ATP11A: variants seen among roughly 807,000 people sequenced by gnomAD.
ATP11A encodes phospholipid-transporting ATPase IH.
Under a neutral mutation model 154.4 loss-of-function variants are expected in ATP11A, and 81 were observed. The ratio of observed to expected loss-of-function variants is 0.52; its 90% CI spans 0.44 to 0.63. ATP11A has a LOEUF of 0.63. Among genes scored for constraint, ATP11A ranks in the 30% least tolerant of loss-of-function variants. The probability of loss-of-function intolerance (pLI) is 0.00; values close to 1 mark genes in which losing one functional copy is unlikely to be tolerated. For missense variants in ATP11A, 1,316 were observed against 1,474.3 expected (o/e 0.89, Z 1.76); for synonymous variants, 623 against 585.9 (o/e 1.06, Z -0.91).
chr13:112,772,303 A>C (rs1296116148), intron 1 of ATP11A, among the ~76,000 whole-genome samples: 1 of 152,222 alleles, frequency 6.6e-6, no homozygotes, highest in Non-Finnish European at 1.5e-5. Flanking sequence ...GGCAGGTAGA[A>C]GGTTCCAGCG....
At chr13:112,707,048 G>T (rs887830619) in intron 1 of ATP11A, among the ~76,000 whole-genome samples, 1 of 152,162 alleles carries the variant, frequency 6.6e-6, no homozygotes. Context: ...AGACAACTCG[G>T]CAACATCAGC....
At chr13:112,867,557 C>T (rs925705323) in intron 25 of ATP11A, among the ~76,000 whole-genome samples, 3 of 152,212 alleles carry the variant, frequency 2.0e-5, no homozygotes, top group African/African-American at 7.2e-5. Context: ...GCGTCTCCGC[C>T]TTCTCGGATC....
intron 14 of ATP11A, among the ~76,000 whole-genome samples, chr13:112,834,150 G>A (rs553168879): frequency 8.5e-5 from 13 of 152,356 alleles, no homozygotes; most frequent in South Asian, 8.3e-4. Flanking sequence ...CTGGACCTTC[G>A]TTCCCCGTCA....
At chr13:112,860,551 A>G (rs1331623689) in intron 24 of ATP11A, 137 bp downstream of exon 24, 3 of 1,028,658 alleles carry the variant, frequency 2.9e-6, no homozygotes, top group African/African-American at 1.6e-5. Context: ...TTCTTGCTTG[A>G]TCAGGAGCTT....
At chr13:112,751,784 C>T (rs2076699363) in intron 1 of ATP11A, among the ~76,000 whole-genome samples, 1 of 148,156 alleles carries the variant, frequency 6.7e-6, no homozygotes. Context: ...GGCTGGAGTG[C>T]AGTGCTGTGA....
chr13:112,863,605 C>T (rs1360716788), intron 25 of ATP11A, among the ~76,000 whole-genome samples: 41 of 150,416 alleles, frequency 2.7e-4, no homozygotes, highest in African/African-American at 9.1e-4. Flanking sequence ...AGCTTCTCAG[C>T]GGGGTCCATC....
chr13:112,714,982 G>A (rs1888259013), intron 1 of ATP11A, among the ~76,000 whole-genome samples: 1 of 152,004 alleles, frequency 6.6e-6, no homozygotes, highest in African/African-American at 2.4e-5. Flanking sequence ...TCAACTTTCT[G>A]TCTCTAGGTA....
chr13:112,854,744 GTGTGTGTA>G (rs1240303190), intron 19 of ATP11A, among the ~76,000 whole-genome samples: 4 of 152,236 alleles, frequency 2.6e-5, no homozygotes, highest in African/African-American at 9.6e-5. Flanking sequence ...TTTCACATAT[GTGTGTGTA>G]TGTGTGTATG....
intron 2 of ATP11A, among the ~76,000 whole-genome samples, chr13:112,788,978 C>A (rs944270246): frequency 6.6e-6 from 1 of 151,908 alleles, no homozygotes; most frequent in African/African-American, 2.4e-5. Context: ...GACGTGTAGA[C>A]TCCTATGTAG....
intron 18 of ATP11A, 35 bp from the exon 19 acceptor site, chr13:112,854,242 CTT>C (rs1332368068): frequency 6.2e-7 from 1 of 1,606,358 alleles, no homozygotes; most frequent in Non-Finnish European, 8.5e-7. Context: ...TCAGCACTGA[CTT>C]TTCTCTATGC....
chr13:112,701,044 G>A (rs922618800), intron 1 of ATP11A, among the ~76,000 whole-genome samples: 1 of 152,234 alleles, frequency 6.6e-6, no homozygotes, highest in East Asian at 1.9e-4. Context: ...GGTCGCTGCG[G>A]CCCTTTCAGG....
At chr13:112,811,130 G>A (rs1408742975) in intron 5 of ATP11A, among the ~76,000 whole-genome samples, 1 of 139,796 alleles carries the variant, frequency 7.2e-6, no homozygotes, top group African/African-American at 2.8e-5. Flanking sequence ...GTTCACAGCA[G>A]CATTAGGTGG....
intron 25 of ATP11A, among the ~76,000 whole-genome samples, chr13:112,867,737 G>A (rs1023467545): frequency 2.0e-5 from 3 of 152,182 alleles, no homozygotes; most frequent in Admixed American, 6.5e-5. Context: ...GAGCCCCCAC[G>A]GAACCCGCGT....
At chr13:112,837,411 C>T (rs1363783013) in intron 16 of ATP11A, among the ~76,000 whole-genome samples, 2 of 152,254 alleles carry the variant, frequency 1.3e-5, no homozygotes, top group African/African-American at 4.8e-5. Flanking sequence ...TATGGTGGAG[C>T]TGTCTGTCCG....
chr13:112,816,039 C>T (rs372184548), intron 5 of ATP11A, 44 bp from the exon 6 acceptor site: 40 of 1,611,082 alleles, frequency 2.5e-5, no homozygotes, highest in Middle Eastern at 1.7e-4. Context: ...CAAGCTTTCA[C>T]GGAGGGGCTT....
chr13:112,696,222 T>TG lies in ATP11A; in HGVS notation c.39+5768dup, dbSNP rs1329763302. 5.9e-5 allele frequency among the ~76,000 whole-genome samples: 9 copies of TG among 152,224 alleles called. No homozygotes were observed. The highest frequency in any genetic ancestry group is 1.3e-4 in the Non-Finnish European group (9 of 68,034). On this transcript the variant is annotated intron_variant, in intron 1 of 29. Coordinates refer to ENST00000375645, the MANE Select transcript of ATP11A (RefSeq NM_015205.3). This position sits in a 1 kb window ranked among gnomAD's most constrained non-coding sequence, Gnocchi z 6.2. ...TGCCCAGTGCACGGGGCGTCTTTGT[T>TG]GCGCGCATGGACCTGCGGCTGCATC... is the stretch of plus-strand genomic sequence containing the variant.
chr13:112,853,877 T>C (rs1382248381), intron 18 of ATP11A, among the ~76,000 whole-genome samples: 2 of 152,310 alleles, frequency 1.3e-5, no homozygotes, highest in African/African-American at 2.4e-5. Flanking sequence ...ACAATCAATA[T>C]TCCTGACCAC....
At chr13:112,758,396 T>C (rs2076890499) in intron 1 of ATP11A, among the ~76,000 whole-genome samples, 2 of 151,362 alleles carry the variant, frequency 1.3e-5, no homozygotes, top group South Asian at 2.1e-4. Context: ...AATGGATCAG[T>C]AAACACTTCA....
chr13:112,728,302 C>T (rs1360567984), intron 1 of ATP11A, among the ~76,000 whole-genome samples: 1 of 151,262 alleles, frequency 6.6e-6, no homozygotes, highest in Non-Finnish European at 1.5e-5. Context: ...AGTATCCACG[C>T]GTGGATGGGC....
Sources: gnomAD v4.1 joint callset for allele counts (sites outside exome capture counted in the v4.1 genomes callset) on GRCh38, gnomAD v4.1.1 for gene constraint, Gnocchi (gnomAD v3.1) non-coding constraint, MANE v1.5 for transcripts, NCBI Gene and HGNC (gene_info 2026-07-23, HGNC 2026-07-21) for gene names.